Variants in RFT1 observed in about 807,000 individuals in gnomAD.
RFT1 encodes RFT1 glycolipid translocator homolog.
Under a neutral mutation model 62.2 loss-of-function variants are expected in RFT1, and 43 were observed. That is an observed-to-expected ratio of 0.69 (90% CI 0.54 to 0.89). RFT1 has a LOEUF of 0.89. RFT1 is among the 40% of genes least tolerant of loss of function. RFT1 has a pLI of 0.00. For synonymous variants in RFT1, 262 were observed against 264.6 expected (o/e 0.99, Z 0.10); for missense variants, 605 against 649.9 (o/e 0.93, Z 0.75).
At position 53,127,292 on chromosome 3, in the gene RFT1, T is replaced by A. The variant is rs144398986; in HGVS notation, c.64-1298A>T. On this transcript the variant is annotated intron_variant, in intron 1 of 12. Coordinates refer to ENST00000296292, the MANE Select transcript of RFT1 (RefSeq NM_052859.4). The stretch of plus-strand genomic sequence containing the variant: ...CACCATTTAGCTCTTCTATCTGTTA[T>A]CTTCTAATTGTTATAAGCCTCAATT... Among the ~76,000 whole-genome samples, 1,520 of 152,316 alleles carry A rather than the reference T, an allele frequency of 1.0e-2. 14 individuals are homozygous for A. The highest frequency in any genetic ancestry group is 0.024 in the Middle Eastern group (7 of 294).
At chr3:53,126,135 C>T (rs1001095717) in intron 1 of RFT1, 141 bp from the exon 2 acceptor site, 6 of 659,994 alleles carry the variant, frequency 9.1e-6, no homozygotes, top group African/African-American at 3.6e-5. Flanking sequence ...TCCTCTAAGA[C>T]GCCCAACCTG....
chr3:53,126,136 GC>G, intron 1 of RFT1, 142 bp from the exon 2 acceptor site: 1 of 657,280 alleles, frequency 1.5e-6, no homozygotes. Context: ...CCTCTAAGAC[GC>G]CCAACCTGTC....
chr3:53,085,154 G>A (rs1700830307), downstream of RFT1, among the ~76,000 whole-genome samples: 1 of 152,222 alleles, frequency 6.6e-6, no homozygotes, highest in Admixed American at 6.5e-5. Flanking sequence ...CCTGAGAGCA[G>A]TAGCCATGTC....
At chr3:53,105,856 T>C (rs1232656296) in intron 8 of RFT1, 53 bp from the exon 9 acceptor site, 7 of 1,475,552 alleles carry the variant, frequency 4.7e-6, no homozygotes, top group African/African-American at 1.4e-5. Flanking sequence ...CTATTTTAAT[T>C]TTTATAGCAC....
At chr3:53,098,749 C>G (rs1285464548) in intron 11 of RFT1, among the ~76,000 whole-genome samples, 1 of 126,238 alleles carries the variant, frequency 7.9e-6, no homozygotes, top group African/African-American at 3.0e-5. Flanking sequence ...TTGCAGTGAG[C>G]AGAGACTGCG....
chr3:53,082,202 C>T, the RFT1 span, among the ~76,000 whole-genome samples: 40 of 152,262 alleles, frequency 2.6e-4, no homozygotes, highest in South Asian at 8.3e-4. Context: ...CTTGGCCAGC[C>T]GTGGTGGCTC....
rs891986217 is a variant in RFT1, at chr3:53,099,435, T to C, written c.1154A>G (p.Asn385Ser). The C allele has an allele frequency of 9.3e-6, 15 of 1,613,920 alleles. No homozygotes were observed. The highest frequency in any genetic ancestry group is 1.6e-4 in the Middle Eastern group (1 of 6,084). ...AAATGTGAAACACTCTGTCACTCCATTGATGGCAAGCAGGAGAACATAGAG... is the reference window on the plus strand; with the variant it reads ...AAATGTGAAACACTCTGTCACTCCACTGATGGCAAGCAGGAGAACATAGAG... ...YCLYVLLLAI[N>S]GVTECFTFAA... Residue 385 changes from asparagine (N) to serine (S), a missense_variant, in exon 11 of 13, where the codon AAT becomes AGT. Asn to Ser is a conservative substitution (Grantham distance 46). Coordinates refer to ENST00000296292, the MANE Select transcript of RFT1 (RefSeq NM_052859.4).
chr3:53,099,250 T>C, intron 11 of RFT1, 131 bp downstream of exon 11: 1 of 741,250 alleles, frequency 1.3e-6, no homozygotes, highest in Non-Finnish European at 2.4e-6. Context: ...AGCACCACAC[T>C]GGTGGACTAA....
chr3:53,082,254 G>A, the RFT1 span, among the ~76,000 whole-genome samples: 1 of 152,118 alleles, frequency 6.6e-6, no homozygotes, highest in East Asian at 1.9e-4. Context: ...AGGTGGGTGG[G>A]TTGCTTGAGG....
chr3:53,127,152 C>G (rs902342058), intron 1 of RFT1, among the ~76,000 whole-genome samples: 2 of 152,170 alleles, frequency 1.3e-5, no homozygotes, highest in Non-Finnish European at 2.9e-5. Flanking sequence ...CATGGTGGCT[C>G]ATGCCTGTAA....
intron 2 of RFT1, 148 bp downstream of exon 2, chr3:53,125,761 C>T (rs189119613): frequency 4.0e-5 from 26 of 648,604 alleles, no homozygotes; most frequent in East Asian, 1.1e-4. Context: ...CACTCCTGCA[C>T]GCTTCTCCTC....
the RFT1 span, among the ~76,000 whole-genome samples, chr3:53,073,180 G>C: frequency 1.3e-5 from 2 of 152,348 alleles, no homozygotes; most frequent in Admixed American, 6.5e-5. Flanking sequence ...ACACTGCAGA[G>C]AGAGAGCCTG....
Position 53,089,174 on chromosome 3 carries a change from T to A in RFT1, c.*2729A>T, listed in dbSNP as rs1459975383. On this transcript the variant is annotated 3_prime_UTR_variant, in exon 13 of 13. Coordinates refer to ENST00000296292, the MANE Select transcript of RFT1 (RefSeq NM_052859.4). ...TAAAGACAGGAGGAAGGAGGGGCCC[T>A]GCTTGAATCAGGTTGGGAAGTGGCT... 2 of 152,410 alleles carry A rather than the reference T, an allele frequency of 1.3e-5. No homozygotes were observed. The highest frequency in any genetic ancestry group is 4.8e-5 in the African/African-American group (2 of 41,442). 9.4% of individuals were successfully genotyped at this position (152,410 alleles called of 1,614,324 possible).
rs192264403 is a variant in RFT1, at chr3:53,106,812, A to G, written c.826+7T>C. 1.5e-3 allele frequency: 2,423 copies of G among 1,607,780 alleles called. 9 individuals are homozygous for G. The Middle Eastern group carries it at 0.022, about 15-fold the overall frequency. ...TTTAATTAAAACACTACAGAATTTC[A>G]TCTTACCCTGATCACCAAAGTTCAA... is the stretch of plus-strand genomic sequence containing the variant. On this transcript the variant is annotated splice_region_variant and intron_variant, in intron 8 of 12. Transcript: ENST00000296292.
At chr3:53,128,496 T>C (rs1163796589) in intron 1 of RFT1, among the ~76,000 whole-genome samples, 1 of 152,120 alleles carries the variant, frequency 6.6e-6, no homozygotes, top group African/African-American at 2.4e-5. Flanking sequence ...ACAGCCTTCA[T>C]TTACTTCTGC....
chr3:53,093,493 A>G (rs1701054061), intron 11 of RFT1, among the ~76,000 whole-genome samples: 1 of 152,240 alleles, frequency 6.6e-6, no homozygotes, highest in Admixed American at 6.5e-5. Flanking sequence ...CCTAGCACCA[A>G]GCAGGCACTC....
Position 53,092,543 on chromosome 3 carries a change from G to A in RFT1, c.1284C>T (p.Ser428=), listed in dbSNP as rs773206764. 5 of 1,612,480 alleles carry A rather than the reference G, an allele frequency of 3.1e-6. No homozygotes were observed. The East Asian group carries it at 8.9e-5, about 29-fold the overall frequency. The stretch of plus-strand genomic sequence containing the variant: ...AGCAGTTGGCCAAGATGAAGCCCAC[G>A]CTGCCACACCAACGGGTCAAGAGAT... ...LSYLLTRWCG[S]VGFILANCFN... Residue 428 remains serine, a synonymous_variant, in exon 12 of 13, where the codon AGC becomes AGT. Transcript: ENST00000296292.
intron 7 of RFT1, among the ~76,000 whole-genome samples, chr3:53,109,647 A>C (rs1449097609): frequency 6.6e-6 from 1 of 152,000 alleles, no homozygotes; most frequent in African/African-American, 2.4e-5. Context: ...CTGTCTCTAC[A>C]AAAAAATTAA....
chr3:53,105,446 C>T (rs996289700), intron 9 of RFT1, among the ~76,000 whole-genome samples: 3 of 143,216 alleles, frequency 2.1e-5, no homozygotes, highest in African/African-American at 5.4e-5. Flanking sequence ...AAGGTCACAA[C>T]GAATAACAAA....
Sources: gnomAD v4.1 joint callset for allele counts (sites outside exome capture counted in the v4.1 genomes callset) on GRCh38, gnomAD v4.1.1 for gene constraint, MANE v1.5 for transcripts, NCBI Gene and HGNC (gene_info 2026-07-23, HGNC 2026-07-21) for gene names.